The following NCOA2 variants were observed in gnomAD, a reference collection of about 807,000 sequenced individuals.
The protein encoded by NCOA2 is class E basic helix-loop-helix protein 75.
NCOA2 carries 21 observed loss-of-function variants against 145.1 expected under a neutral mutation model. The ratio of observed to expected loss-of-function variants is 0.14; its 90% CI spans 0.10 to 0.21. NCOA2 has a LOEUF of 0.21. NCOA2 is among the 10% of genes least tolerant of loss of function. The pLI, the probability that NCOA2 is intolerant of heterozygous loss-of-function variation, is 1.00. For missense variants in NCOA2, 1,472 were observed against 1,837.6 expected, an observed-to-expected ratio of 0.80 and a Z score of 3.64; for synonymous variants, 619 against 637.5, an observed-to-expected ratio of 0.97 and a Z score of 0.44.
the NCOA2 span, among the ~76,000 whole-genome samples, chr8:70,441,247 A>T: frequency 1.3e-5 from 2 of 150,590 alleles, no homozygotes; most frequent in Non-Finnish European, 3.0e-5. Context: ...AAGAGGAAAG[A>T]GAAAGAAAGG....
Position 70,156,834 on chromosome 8 carries a change from C to T in NCOA2, c.1531G>A (p.Gly511Arg). The change falls in exon 11 of 23, where the codon GGA (glycine) becomes AGA (arginine). Residue 511 changes from glycine to arginine, a missense_variant. Physicochemically the swap from Gly to Arg is moderately radical, Grantham distance 125. Around this residue, in one of 4 missense-constraint regions of NCOA2, gnomAD observed 953 missense variants for 1,062.1 expected, o/e 0.90. Transcript: ENST00000452400. Reference sequence around the variant, plus strand: ...ACTCCCACAGGGGAATGCAAGCTTCCTGCAGGGGAAAACTGACTGGGTGGG... The same window carrying T: ...ACTCCCACAGGGGAATGCAAGCTTCTTGCAGGGGAAAACTGACTGGGTGGG... ...RIPPSQFSPAGSLHSPVGVCS... is the reference protein window; with the variant it reads ...RIPPSQFSPARSLHSPVGVCS... 6.2e-7 allele frequency: 1 copy of T among 1,613,996 alleles called. No homozygotes were observed. The highest frequency in any genetic ancestry group is 8.5e-7 in the Non-Finnish European group (1 of 1,179,884).
intron 2 of NCOA2, among the ~76,000 whole-genome samples, chr8:70,260,308 T>G (rs2135022379): frequency 6.6e-6 from 1 of 152,220 alleles, no homozygotes; most frequent in East Asian, 1.9e-4. Context: ...AATTTTTAAA[T>G]TTTTTGTAGA....
chr8:70,364,247 GA>G (rs147779379), intron 1 of NCOA2, among the ~76,000 whole-genome samples: 7 of 141,696 alleles, frequency 4.9e-5, no homozygotes, highest in Admixed American at 7.1e-5. Context: ...ATTTAGGACT[GA>G]AAAAAAAAAG....
chr8:70,371,394 TA>T (rs1189331636), intron 1 of NCOA2, among the ~76,000 whole-genome samples: 38 of 151,784 alleles, frequency 2.5e-4, no homozygotes, highest in Non-Finnish European at 4.1e-4. Flanking sequence ...TCTACCACAA[TA>T]AAAAAATACA....
rs1271356185 is a variant in NCOA2 at position 70,112,090 on chromosome 8, G to A, written c.*1542C>T. ...ATGTAGTCTTTCTAAGGTTCATTAA[G>A]AAAGAATATAAACATATAAAAATCA... is the stretch of plus-strand genomic sequence containing the variant. On this transcript the variant is annotated 3_prime_UTR_variant, in exon 23 of 23. Transcript: ENST00000452400. 4 of 204,592 alleles carry A rather than the reference G, an allele frequency of 2.0e-5. No individual in the cohort carries two copies. Among genetic ancestry groups the A allele is most frequent in the African/African-American group, 2.3e-5 (1 of 43,786 alleles). The allele number at this position is 204,592 out of a possible 1,614,324, so 12.7% of individuals were successfully genotyped here.
At chr8:70,381,824 T>C (rs1230687765) in intron 1 of NCOA2, among the ~76,000 whole-genome samples, 4 of 152,226 alleles carry the variant, frequency 2.6e-5, no homozygotes, top group Admixed American at 1.3e-4. Flanking sequence ...CTTACCCATG[T>C]GCTCACAACC....
In NCOA2 at chr8:70,141,213, T is replaced by C. The variant is rs1285646316; in HGVS notation, c.2999A>G (p.Gln1000Arg). Residue 1000 changes from glutamine to arginine, a missense_variant, in exon 14 of 23, where the codon CAG becomes CGG. Physicochemically the swap from Gln to Arg is conservative, Grantham distance 43 (BLOSUM62 1). Around this residue, in one of 4 missense-constraint regions of NCOA2, gnomAD observed 953 missense variants for 1,062.1 expected, o/e 0.90. Coordinates refer to ENST00000452400, the MANE Select transcript of NCOA2 (RefSeq NM_006540.4). ...ATTCATGACCTGAGACTGAAGCGTC[T>C]GTCTTTGGCCAGGCTGGCTGCTGGG... ...MRPSSQPGQR[Q>R]TLQSQVMNIG... 6.2e-7 allele frequency: 1 copy of C among 1,613,806 alleles called. No homozygotes were observed. Among genetic ancestry groups the C allele is most frequent in the East Asian group, 2.2e-5 (1 of 44,848 alleles).
chr8:70,422,507 G>T, the NCOA2 span, among the ~76,000 whole-genome samples: 5 of 151,790 alleles, frequency 3.3e-5, no homozygotes, highest in African/African-American at 9.7e-5. Flanking sequence ...GCTTCCCAGG[G>T]TCGAGCGATC....
At chr8:70,337,442 G>A (rs953508724) in intron 1 of NCOA2, among the ~76,000 whole-genome samples, 7 of 152,094 alleles carry the variant, frequency 4.6e-5, no homozygotes, top group Non-Finnish European at 8.8e-5. Context: ...CAAAAATTCA[G>A]GAGGCAAACT....
intron 1 of NCOA2, among the ~76,000 whole-genome samples, chr8:70,334,711 T>C (rs964275295): frequency 2.6e-5 from 4 of 152,170 alleles, no homozygotes; most frequent in Non-Finnish European, 5.9e-5. Flanking sequence ...CTCTACCTGA[T>C]AGATGTGGTG....
intron 2 of NCOA2, among the ~76,000 whole-genome samples, chr8:70,291,948 C>T (rs1479579616): frequency 6.6e-6 from 1 of 151,406 alleles, no homozygotes; most frequent in Non-Finnish European, 1.5e-5. Flanking sequence ...CGGTGGCGGG[C>T]GCCTGTAGTC....
intron 4 of NCOA2, 49 bp downstream of exon 4, chr8:70,213,854 A>C: frequency 6.8e-7 from 1 of 1,479,496 alleles, no homozygotes; most frequent in Non-Finnish European, 9.1e-7. Context: ...CACACAGGGA[A>C]AAACAGAAAC....
chr8:70,359,643 G>A (rs907937669), intron 1 of NCOA2, among the ~76,000 whole-genome samples: 1 of 152,040 alleles, frequency 6.6e-6, no homozygotes, highest in African/African-American at 2.4e-5. Context: ...AGAGAGAGGT[G>A]GTGGTTACAA....
At chr8:70,291,936 T>C (rs1004981329) in intron 2 of NCOA2, among the ~76,000 whole-genome samples, 2 of 151,512 alleles carry the variant, frequency 1.3e-5, no homozygotes, top group Non-Finnish European at 2.9e-5. Flanking sequence ...CGTAGCCGGG[T>C]GCGGTGGCGG....
chr8:70,162,256 CT>C (rs746062428), intron 9 of NCOA2, among the ~76,000 whole-genome samples: 85 of 152,312 alleles, frequency 5.6e-4, no homozygotes, highest in Non-Finnish European at 7.9e-4. Flanking sequence ...GTCGTGTCAA[CT>C]TTTGGGCCCT....
intron 2 of NCOA2, among the ~76,000 whole-genome samples, chr8:70,247,078 C>T (rs914014017): frequency 1.3e-5 from 2 of 152,142 alleles, no homozygotes; most frequent in Admixed American, 1.3e-4. Flanking sequence ...TCCTAGTTTA[C>T]TCTAATTAAC....
chr8:70,312,143 G>GA (rs1805178254), intron 1 of NCOA2, among the ~76,000 whole-genome samples: 1 of 152,148 alleles, frequency 6.6e-6, no homozygotes, highest in African/African-American at 2.4e-5. Flanking sequence ...GCTCACGCAA[G>GA]AGATTTCCAG....
chr8:70,336,370 C>T (rs927462549), intron 1 of NCOA2, among the ~76,000 whole-genome samples: 3 of 152,104 alleles, frequency 2.0e-5, no homozygotes, highest in African/African-American at 7.2e-5. Context: ...TTAGCCAGTC[C>T]ACCCATATTG....
At chr8:70,384,984 T>G (rs953063715) in intron 1 of NCOA2, among the ~76,000 whole-genome samples, 2 of 152,238 alleles carry the variant, frequency 1.3e-5, no homozygotes, top group African/African-American at 4.8e-5. Context: ...CTCTAAACAG[T>G]GAATAATTAG....
Sources: gnomAD v4.1 joint callset for allele counts (sites outside exome capture counted in the v4.1 genomes callset) on GRCh38, gnomAD v4.1.1 for gene constraint, gnomAD v4.1.1 regional missense constraint, MANE v1.5 for transcripts, NCBI Gene and HGNC (gene_info 2026-07-23, HGNC 2026-07-21) for gene names.